LIN28B: variants seen among roughly 807,000 people sequenced by gnomAD.
LIN28B encodes the protein lin-28 RNA binding posttranscriptional regulator B.
LIN28B carries 5 observed loss-of-function variants against 21.9 expected under a neutral mutation model. The ratio of observed to expected loss-of-function variants is 0.23; its 90% CI spans 0.12 to 0.48. The LOEUF (loss-of-function observed/expected upper bound fraction) is 0.48. Ranked by LOEUF, LIN28B falls within the 20% of genes least tolerant of loss-of-function variation. LIN28B has a pLI of 0.98. For synonymous variants in LIN28B, 109 were observed against 111.3 expected, an observed-to-expected ratio of 0.98 and a Z score of 0.13; for missense variants, 245 against 310.5, an observed-to-expected ratio of 0.79 and a Z score of 1.58.
At chr6:104,957,457 C>T (rs1384793128) in intron 1 of LIN28B, among the ~76,000 whole-genome samples, 197 bp downstream of exon 1, 1 of 151,642 alleles carries the variant, frequency 6.6e-6, no homozygotes, top group Non-Finnish European at 1.5e-5. Context: ...TTTTGTACCG[C>T]CCACACTGAT....
At chr6:104,949,386 G>T (rs1304234494) in intron 2 of LIN28B, among the ~76,000 whole-genome samples, 3 of 152,108 alleles carry the variant, frequency 2.0e-5, no homozygotes, top group Non-Finnish European at 1.5e-5. Flanking sequence ...AGAGGTTCAC[G>T]TGCCTTTTGT....
At chr6:105,007,936 C>T (rs778473959) in intron 2 of LIN28B, among the ~76,000 whole-genome samples, 7 of 152,170 alleles carry the variant, frequency 4.6e-5, no homozygotes, top group South Asian at 2.1e-4. Context: ...TGAGCCACCA[C>T]GCCCAGCCCC....
intron 3 of LIN28B, among the ~76,000 whole-genome samples, chr6:105,069,161 T>C (rs1056487643): frequency 6.6e-5 from 10 of 152,150 alleles, no homozygotes; most frequent in South Asian, 6.2e-4. Flanking sequence ...GAGGTTGCAG[T>C]GAGCCAAGAT....
chr6:104,991,459 G>T (rs1440755103), intron 2 of LIN28B, among the ~76,000 whole-genome samples: 5 of 151,746 alleles, frequency 3.3e-5, no homozygotes, highest in Admixed American at 3.3e-4. Context: ...ACGATGGGCG[G>T]CTGGGCAGAG....
intron 2 of LIN28B, among the ~76,000 whole-genome samples, chr6:104,999,326 A>G (rs1303856059): frequency 6.6e-6 from 1 of 151,950 alleles, no homozygotes; most frequent in Non-Finnish European, 1.5e-5. Context: ...TTTTGTAGAG[A>G]TGGGATCTTG....
chr6:104,989,941 T>TAAATGC (rs1041316490), intron 2 of LIN28B, among the ~76,000 whole-genome samples: 2 of 152,186 alleles, frequency 1.3e-5, no homozygotes, highest in Non-Finnish European at 2.9e-5. Flanking sequence ...TTCTTTTCTG[T>TAAATGC]AAATGCATTT....
intron 2 of LIN28B, among the ~76,000 whole-genome samples, chr6:105,013,427 G>A (rs942116775): frequency 6.6e-5 from 10 of 151,076 alleles, no homozygotes; most frequent in African/African-American, 2.0e-4. Flanking sequence ...CAAGTCATTT[G>A]CTTACTTTTA....
intron 2 of LIN28B, among the ~76,000 whole-genome samples, chr6:104,949,054 A>G (rs1424110846): frequency 6.6e-6 from 1 of 151,900 alleles, no homozygotes; most frequent in African/African-American, 2.4e-5. Flanking sequence ...TTTTTTTAAC[A>G]AACCCTATCT....
At position 104,944,126 on chromosome 6, in the gene LIN28B, T is replaced by A. The variant is rs1048965441; in HGVS notation, c.19-6335T>A. On this transcript the variant is annotated intron_variant, in intron 2 of 5. Transcript: ENST00000635857. ...AGGAAATATATGCATATATATTTCA[T>A]AAATTTTTTTTTTGCTTTTCACCTA... 6.2e-5 allele frequency among the ~76,000 whole-genome samples: 7 copies of A among 113,144 alleles called. No homozygotes were observed. In the South Asian group the frequency reaches 2.0e-3, roughly 32 times the overall value. 74.2% of individuals were successfully genotyped at this position (113,144 alleles called of 152,430 possible).
chr6:105,068,888 A>G (rs190803452), intron 3 of LIN28B, among the ~76,000 whole-genome samples: 16 of 152,296 alleles, frequency 1.1e-4, no homozygotes, highest in African/African-American at 3.9e-4. Flanking sequence ...AGATCTTATT[A>G]TATTTATACT....
chr6:105,046,779 G>GT (rs1771775296), intron 3 of LIN28B, among the ~76,000 whole-genome samples: 1 of 152,032 alleles, frequency 6.6e-6, no homozygotes, highest in African/African-American at 2.4e-5. Context: ...GATGATGAGC[G>GT]TTTTTTCATG....
At position 105,078,582 on chromosome 6, in the gene LIN28B, C is replaced by T. The variant is rs1772478850; in HGVS notation, c.552C>T (p.Ser184=). Residue 184 remains serine (S), a synonymous_variant, in exon 4 of 4, where the codon TCC becomes TCT. Coordinates refer to ENST00000345080, the MANE Select transcript of LIN28B (RefSeq NM_001004317.4). ...ASSQGRQEAE[S]QPCTSTLPRE... ...CTCAGGGAAGACAGGAAGCAGAATC[C>T]CAGCCATGCACTTCAACTCTCCCTC... 6.2e-7 allele frequency: 1 copy of T among 1,613,926 alleles called. No homozygotes were observed. Among genetic ancestry groups the T allele is most frequent in the Non-Finnish European group, 8.5e-7 (1 of 1,180,032 alleles).
At chr6:104,950,645 T>G (rs1778210496) in intron 3 of LIN28B, 1 of 438,370 alleles carries the variant, frequency 2.3e-6, no homozygotes. Context: ...AGGTACCAAG[T>G]CCTCCTATAC....
rs191689472 is a variant in LIN28B, at chr6:105,047,130, C to T, written c.383+20648C>T. Among the ~76,000 whole-genome samples, 470 of 152,166 alleles carry T rather than the reference C, an allele frequency of 3.1e-3. 1 individual carries two copies. Among genetic ancestry groups the T allele is most frequent in the African/African-American group, 9.4e-3 (391 of 41,518 alleles). ...TGAATGGTATTGCCTAGGTTTTCTT[C>T]TAGGGTTTTTATGGTTTTAGGTCTA... is the stretch of plus-strand genomic sequence containing the variant. On this transcript the variant is annotated intron_variant, in intron 3 of 3. Transcript: ENST00000345080.
intron 3 of LIN28B, among the ~76,000 whole-genome samples, chr6:105,060,259 TTTTG>T (rs139401441): frequency 6.6e-6 from 1 of 151,764 alleles, no homozygotes; most frequent in African/African-American, 2.4e-5. Context: ...TAATTCATTT[TTTTG>T]TTTGTTTGTT....
chr6:104,996,065 G>A (rs1033194227), intron 2 of LIN28B, among the ~76,000 whole-genome samples: 11 of 151,852 alleles, frequency 7.2e-5, no homozygotes, highest in Non-Finnish European at 1.3e-4. Context: ...TGTGAGACAC[G>A]GCACATCATG....
At chr6:105,050,014 A>G (rs1490459422) in intron 3 of LIN28B, among the ~76,000 whole-genome samples, 1 of 152,114 alleles carries the variant, frequency 6.6e-6, no homozygotes, top group African/African-American at 2.4e-5. Flanking sequence ...TAAGGTTAAT[A>G]TTGTTATGTG....
chr6:104,940,599 G>C (rs1261737558), intron 2 of LIN28B: 2 of 150,798 alleles, frequency 1.3e-5, no homozygotes, highest in African/African-American at 4.8e-5. Flanking sequence ...CCAATGACGC[G>C]GCCGGTAGCG....
intron 2 of LIN28B, among the ~76,000 whole-genome samples, chr6:104,937,358 CG>C (rs1027980479): frequency 3.9e-5 from 6 of 152,034 alleles, no homozygotes; most frequent in African/African-American, 1.4e-4. Flanking sequence ...GCCGCAGTCT[CG>C]GCTCGCTGCA....
Sources: allele counts gnomAD v4.1 joint callset (sites outside exome capture counted in the v4.1 genomes callset), GRCh38; gene constraint gnomAD v4.1.1; transcripts MANE v1.5; gene names NCBI Gene and HGNC (gene_info 2026-07-23, HGNC 2026-07-21).